Variants in SHC3 observed in about 807,000 individuals in gnomAD.
The protein encoded by SHC3 is SHC-transforming protein 3.
A neutral mutation model predicts 60.4 loss-of-function variants in SHC3; 15 were observed. The observed-to-expected ratio is 0.25, with a 90% confidence interval of 0.17 to 0.38. The LOEUF (loss-of-function observed/expected upper bound fraction) is 0.38. Ranked by LOEUF, SHC3 falls within the 10% of genes least tolerant of loss-of-function variation. The pLI, the probability that SHC3 is intolerant of heterozygous loss-of-function variation, is 1.00. For missense variants in SHC3, 677 were observed against 786.1 expected, an observed-to-expected ratio of 0.86 and a Z score of 1.66; for synonymous variants, 294 against 325.9, an observed-to-expected ratio of 0.90 and a Z score of 1.05.
chr9:89,029,336 C>T (rs1289963405), intron 11 of SHC3, among the ~76,000 whole-genome samples: 1 of 151,500 alleles, frequency 6.6e-6, no homozygotes, highest in Non-Finnish European at 1.5e-5. Flanking sequence ...AGATTCATGC[C>T]TATGTCATTA....
At chr9:89,060,347 T>C (rs1825066060) in intron 6 of SHC3, among the ~76,000 whole-genome samples, 1 of 151,030 alleles carries the variant, frequency 6.6e-6, no homozygotes, top group Admixed American at 6.6e-5. Flanking sequence ...GAGGACATGG[T>C]AGAGGACGTG....
chr9:89,045,443 G>A (rs1013119664), intron 9 of SHC3, among the ~76,000 whole-genome samples: 6 of 152,110 alleles, frequency 3.9e-5, no homozygotes, highest in African/African-American at 1.2e-4. Context: ...ACCACACCCG[G>A]CAAATTTTTT....
At chr9:89,171,548 C>A (rs1418103193) in intron 1 of SHC3, among the ~76,000 whole-genome samples, 1 of 152,226 alleles carries the variant, frequency 6.6e-6, no homozygotes, top group Non-Finnish European at 1.5e-5. Context: ...TTGAGGGGTT[C>A]TCCACTTCGG....
chr9:89,035,830 A>ATAT (rs1824563382), intron 11 of SHC3, among the ~76,000 whole-genome samples: 5 of 106,440 alleles, frequency 4.7e-5, no homozygotes, highest in African/African-American at 1.7e-4. Flanking sequence ...AAACAAACAA[A>ATAT]ATATATATAT....
intron 1 of SHC3, among the ~76,000 whole-genome samples, chr9:89,145,994 G>A (rs1235095880): frequency 6.6e-6 from 1 of 152,018 alleles, no homozygotes; most frequent in Non-Finnish European, 1.5e-5. Context: ...ACACAATAAA[G>A]CAACATCCTC....
rs529267729 is a variant in SHC3, at chr9:89,068,667, T to TA, written c.783+2531_783+2532insT. Among the ~76,000 whole-genome samples, 822 of 151,912 alleles carry TA rather than the reference T, an allele frequency of 5.4e-3. 8 individuals carry two copies. The highest frequency in any genetic ancestry group is 0.018 in the African/African-American group (763 of 41,460). The stretch of plus-strand genomic sequence containing the variant: ...GATTACTAAATGTTTCCAATTTTTT[T>TA]TAAAAAAAAATAAGATGTGATGAGG... On this transcript the variant is annotated intron_variant, in intron 5 of 11. Transcript: ENST00000375835.
At chr9:89,134,536 G>A (rs1458791818) in intron 1 of SHC3, among the ~76,000 whole-genome samples, 4 of 151,990 alleles carry the variant, frequency 2.6e-5, no homozygotes, top group Non-Finnish European at 5.9e-5. Context: ...AGATTGAATA[G>A]ATTTGTCTAA....
chr9:89,028,284 A>G (rs556885456), intron 11 of SHC3, among the ~76,000 whole-genome samples: 8 of 152,086 alleles, frequency 5.3e-5, no homozygotes, highest in Non-Finnish European at 1.0e-4. Flanking sequence ...TATATGTATC[A>G]CAGCAGAAGA....
intron 8 of SHC3, among the ~76,000 whole-genome samples, chr9:89,046,153 G>T (rs1458365645): frequency 7.1e-6 from 1 of 139,896 alleles, no homozygotes; most frequent in Non-Finnish European, 1.5e-5. Flanking sequence ...CAATTACAGA[G>T]TATCTATGTG....
chr9:89,037,477 A>G (rs752990989), intron 11 of SHC3: 8 of 707,762 alleles, frequency 1.1e-5, no homozygotes, highest in Admixed American at 8.5e-5. Flanking sequence ...GGGATTATTC[A>G]GATACAGCTG....
chr9:89,121,579 T>C (rs1232112254), intron 1 of SHC3, among the ~76,000 whole-genome samples: 14 of 152,194 alleles, frequency 9.2e-5, no homozygotes. Flanking sequence ...TGTGAGCCAC[T>C]GTGCTGGCTG....
chr9:89,012,062 C>T lies in SHC3; in HGVS notation c.*1385G>A, dbSNP rs567449639. The T allele has an allele frequency of 1.3e-5, 2 of 152,332 alleles. No homozygotes were observed. The highest frequency in any genetic ancestry group is 2.9e-5 in the Non-Finnish European group (2 of 68,042). 9.4% of individuals were successfully genotyped at this position (152,332 alleles called of 1,614,324 possible). A position where few individuals can be genotyped will look rare whatever the true frequency, so the allele number is the denominator to read the frequency against. ...TTAGTGTGTCTTTCTGTTCTGCTGA[C>T]CCATACCCTACAGGGTGCTGTACCC... On this transcript the variant is annotated 3_prime_UTR_variant, in exon 12 of 12. Coordinates refer to ENST00000375835, the MANE Select transcript of SHC3 (RefSeq NM_016848.6).
chr9:89,024,070 T>C (rs1455682799), intron 11 of SHC3, among the ~76,000 whole-genome samples: 1 of 152,086 alleles, frequency 6.6e-6, no homozygotes, highest in Non-Finnish European at 1.5e-5. Flanking sequence ...GCTGTGGGTG[T>C]GATTCGTAAG....
intron 1 of SHC3, among the ~76,000 whole-genome samples, chr9:89,152,871 A>C (rs916808763): frequency 1.1e-4 from 16 of 152,354 alleles, no homozygotes; most frequent in African/African-American, 3.8e-4. Context: ...AATGGGCTAT[A>C]CTTAATAGTG....
In SHC3 at chr9:89,046,891, G is replaced by C; in HGVS notation, c.1066C>G (p.Leu356Val). 6.2e-7 allele frequency: 1 copy of C among 1,610,550 alleles called. No homozygotes were observed. The highest frequency in any genetic ancestry group is 8.5e-7 in the Non-Finnish European group (1 of 1,178,544). The part of the protein sequence containing the change: ...PSKMPPPGGF[L>V]DTRLKPRPHA... ...GGTCTGGGTTTCAGTCTAGTATCAA[G>C]AAAGCCCCCTGGAGGAGGCATCTTG... Residue 356 changes from leucine (L) to valine (V), a missense_variant, in exon 8 of 12, where the codon CTT (leucine) becomes GTT (valine). Physicochemically the swap from Leu to Val is conservative, Grantham distance 32. Coordinates refer to ENST00000375835, the MANE Select transcript of SHC3 (RefSeq NM_016848.6).
intron 1 of SHC3, among the ~76,000 whole-genome samples, chr9:89,160,166 G>A (rs980506377): frequency 2.6e-5 from 4 of 152,136 alleles, no homozygotes; most frequent in African/African-American, 9.7e-5. Flanking sequence ...GTAGTGTCAG[G>A]TGTCCCTGAC....
In SHC3 at chr9:89,131,711, C is replaced by T. The variant is rs543949198; in HGVS notation, c.475-19085G>A. On this transcript the variant is annotated intron_variant, in intron 1 of 11. Coordinates refer to ENST00000375835, the MANE Select transcript of SHC3 (RefSeq NM_016848.6). ...AGGCTTTCAACAAAATTCAACAGCG[C>T]TTCATGCCAAAAACTCTCAATAAAC... Among the ~76,000 whole-genome samples, 9 of 152,178 alleles carry T rather than the reference C, an allele frequency of 5.9e-5. No individual in the cohort carries two copies. The South Asian group carries it at 6.2e-4, about 11-fold the overall frequency.
At chr9:89,089,589 T>A (rs918867025) in intron 2 of SHC3, among the ~76,000 whole-genome samples, 2 of 152,182 alleles carry the variant, frequency 1.3e-5, no homozygotes, top group African/African-American at 4.8e-5. Context: ...AAAGGAGTGA[T>A]CCTTCCCATT....
chr9:89,075,278 G>A (rs760625489), intron 3 of SHC3, 50 bp from the exon 4 acceptor site: 2 of 1,600,352 alleles, frequency 1.2e-6, no homozygotes, highest in Non-Finnish European at 1.7e-6. Context: ...CATCTCAAAG[G>A]GTGGGGATGT....
Sources: allele counts gnomAD v4.1 joint callset (sites outside exome capture counted in the v4.1 genomes callset), GRCh38; gene constraint gnomAD v4.1.1; transcripts MANE v1.5; gene names NCBI Gene and HGNC (gene_info 2026-07-23, HGNC 2026-07-21).